Variants in PPP1R14A observed in about 807,000 individuals in gnomAD.
The protein encoded by PPP1R14A is protein phosphatase 1 regulatory inhibitor subunit 14A.
A neutral mutation model predicts 14.1 loss-of-function variants in PPP1R14A; 9 were observed. That is an observed-to-expected ratio of 0.64 (90% CI 0.38 to 1.11). The LOEUF (loss-of-function observed/expected upper bound fraction) is 1.11. PPP1R14A is among the 50% of genes most tolerant of loss of function. The probability of loss-of-function intolerance (pLI) is 0.01; values close to 1 mark genes in which losing one functional copy is unlikely to be tolerated. For synonymous variants in PPP1R14A, 93 were observed against 88.7 expected (o/e 1.05, Z -0.27); for missense variants, 208 against 200.7 (o/e 1.04, Z -0.22).
At chr19:38,255,930 T>C (rs929542119) in intron 1 of PPP1R14A, among the ~76,000 whole-genome samples, 1 of 151,910 alleles carries the variant, frequency 6.6e-6, no homozygotes, top group Non-Finnish European at 1.5e-5. Flanking sequence ...CCCAAGTCTT[T>C]GTGTGTTGCT....
At chr19:38,255,359 C>T (rs769396747) in intron 1 of PPP1R14A, among the ~76,000 whole-genome samples, 2 of 152,178 alleles carry the variant, frequency 1.3e-5, no homozygotes, top group Non-Finnish European at 2.9e-5. Context: ...GAACTCCTGA[C>T]GTCAAGCAAT....
rs952561021 is a variant in PPP1R14A, at chr19:38,252,840, T to C, written c.282+54A>G. The C allele has an allele frequency of 1.5e-6, 2 of 1,291,968 alleles. No individual in the cohort carries two copies. Among genetic ancestry groups the C allele is most frequent in the African/African-American group, 2.9e-5 (2 of 68,532 alleles). 80.0% of individuals were successfully genotyped at this position (1,291,968 alleles called of 1,614,324 possible). ...TCAGTAAACACGTGAACTATTGCTA[T>C]TATTTTTAGGGAGGTGCAAAGTGGG... On this transcript the variant is annotated intron_variant, in intron 2 of 3. Transcript: ENST00000301242. This position sits in a 1 kb window ranked among gnomAD's most constrained non-coding sequence, Gnocchi z 4.1.
chr19:38,252,151 C>T lies in PPP1R14A; in HGVS notation c.315+155G>A, dbSNP rs1357330143. The T allele has an allele frequency of 2.9e-6, 2 of 678,652 alleles. No individual in the cohort carries two copies. Among genetic ancestry groups the T allele is most frequent in the East Asian group, 5.4e-5 (2 of 36,982 alleles). The allele number at this position is 678,652 out of a possible 1,614,324, so 42.0% of individuals were successfully genotyped here. ...GACAAGTAGGAGGACAAAAGACACC[C>T]CTGGAGACCAGAAAGAGCTGCGGAG... On this transcript the variant is annotated intron_variant, in intron 3 of 3. Coordinates refer to ENST00000301242, the MANE Select transcript of PPP1R14A (RefSeq NM_033256.3). This position sits in a 1 kb window ranked among gnomAD's most constrained non-coding sequence, Gnocchi z 4.1.
intron 1 of PPP1R14A, among the ~76,000 whole-genome samples, chr19:38,254,000 G>A (rs1968219311): frequency 6.6e-6 from 1 of 152,192 alleles, no homozygotes; most frequent in Non-Finnish European, 1.5e-5. Context: ...ACCTGAGAAT[G>A]GCCTCATAGA....
rs890344619 is a variant in PPP1R14A, at chr19:38,256,300, G to A, written c.40C>T (p.Leu14=). The change falls in exon 1 of 4, where the codon CTG becomes TTG. Residue 14 remains leucine (L), a synonymous_variant. Coordinates refer to ENST00000301242, the MANE Select transcript of PPP1R14A (RefSeq NM_033256.3). This position sits in a 1 kb window ranked among gnomAD's most constrained non-coding sequence, Gnocchi z 5.7. ...CCGCGGGCCCGCGATGGAGACTGCA[G>A]CTTGCTCAGCACGCGCTTGCCCAGC... ...QRLGKRVLSK[L]QSPSRARGPG... The A allele has an allele frequency of 1.5e-5, 23 of 1,533,684 alleles. No individual in the cohort carries two copies. The highest frequency in any genetic ancestry group is 2.0e-5 in the Non-Finnish European group (23 of 1,146,442).
chr19:38,252,776 G>T lies in PPP1R14A; in HGVS notation c.282+118C>A. The T allele has an allele frequency of 1.3e-6, 1 of 799,716 alleles. No homozygotes were observed. 49.5% of individuals were successfully genotyped at this position (799,716 alleles called of 1,614,324 possible). A position where few individuals can be genotyped will look rare whatever the true frequency, so the allele number is the denominator to read the frequency against. On this transcript the variant is annotated intron_variant, in intron 2 of 3. Transcript: ENST00000301242. The surrounding 1 kb of genome is among the most constrained non-coding windows in gnomAD (Gnocchi z 4.1). Reference sequence around the variant, plus strand: ...GTGAGGGTTAAGTGAGTGAATACATGTAAAGCCATCACACCAGTGCCCGGC... The same window carrying T: ...GTGAGGGTTAAGTGAGTGAATACATTTAAAGCCATCACACCAGTGCCCGGC...
At chr19:38,251,980 G>A (rs1195775537) in intron 3 of PPP1R14A, 3 of 435,124 alleles carry the variant, frequency 6.9e-6, no homozygotes, top group East Asian at 3.9e-5. Flanking sequence ...GGAGCCCGGG[G>A]TGGCGGAGGC....
chr19:38,252,937 AAT>A lies in PPP1R14A; in HGVS notation c.237_238del (p.Glu79AspfsTer7), dbSNP rs1259634181. 4 of 1,613,930 alleles carry A rather than the reference AAT, an allele frequency of 2.5e-6. No homozygotes were observed. The highest frequency in any genetic ancestry group is 1.1e-5 in the South Asian group (1 of 91,074). The stretch of plus-strand genomic sequence containing the variant: ...CTCCTCTTCACTCTCTAACTCCAAC[AAT>A]TCATCAATGTTGATCTCATCGGGCA... On this transcript the variant is annotated frameshift_variant, in exon 2 of 4. Coordinates refer to ENST00000301242, the MANE Select transcript of PPP1R14A (RefSeq NM_033256.3). LOFTEE classifies it high-confidence loss of function. The surrounding 1 kb of genome is among the most constrained non-coding windows in gnomAD (Gnocchi z 4.1).
chr19:38,255,638 C>G (rs1013406260), intron 1 of PPP1R14A, among the ~76,000 whole-genome samples: 1 of 145,762 alleles, frequency 6.9e-6, no homozygotes, highest in Admixed American at 6.9e-5. Flanking sequence ...CCCCAGCCCC[C>G]GCTTGTGTCC....
rs1968202758 is a variant in PPP1R14A at position 38,252,639 on chromosome 19, G to A, written c.282+255C>T. ...CCAAACTGCCTGGGTTCGATGCCCA[G>A]CTCTGCTCCTTCTGAGCTGTGTGAC... On this transcript the variant is annotated intron_variant, in intron 2 of 3. Coordinates refer to ENST00000301242, the MANE Select transcript of PPP1R14A (RefSeq NM_033256.3). The surrounding 1 kb of genome is among the most constrained non-coding windows in gnomAD (Gnocchi z 4.1). 6.6e-6 allele frequency among the ~76,000 whole-genome samples: 1 copy of A among 152,164 alleles called. No individual in the cohort carries two copies. Among genetic ancestry groups the A allele is most frequent in the Non-Finnish European group, 1.5e-5 (1 of 68,034 alleles).
rs766695223 is a variant in PPP1R14A, at chr19:38,252,958, T to A, written c.218A>T (p.Asp73Val). ...LYRGMEADMPDEINIDELLEL... is the reference protein window; with the variant it reads ...LYRGMEADMPVEINIDELLEL... ...CAACAATTCATCAATGTTGATCTCA[T>A]CGGGCATGTCTGCCTCCTAGGGCCA... is the stretch of plus-strand genomic sequence containing the variant. Residue 73 changes from aspartate to valine, a missense_variant, in exon 2 of 4, where the codon GAT (aspartate) becomes GTT (valine). By Grantham distance (152) the Asp-to-Val change is radical. Coordinates refer to ENST00000301242, the MANE Select transcript of PPP1R14A (RefSeq NM_033256.3). The surrounding 1 kb of genome is among the most constrained non-coding windows in gnomAD (Gnocchi z 4.1). 3 of 1,613,858 alleles carry A rather than the reference T, an allele frequency of 1.9e-6. No individual in the cohort carries two copies. In the Admixed American group the frequency reaches 5.0e-5, roughly 27 times the overall value.
intron 1 of PPP1R14A, among the ~76,000 whole-genome samples, chr19:38,254,782 TAC>T (rs1370054979): frequency 1.3e-5 from 2 of 152,148 alleles, no homozygotes; most frequent in African/African-American, 4.8e-5. Context: ...TCCTATAGCT[TAC>T]AGTTTTTTGT....
Position 38,251,349 on chromosome 19 carries a change from A to G in PPP1R14A, c.413T>C (p.Leu138Pro). 6.5e-7 allele frequency: 1 copy of G among 1,537,484 alleles called. No homozygotes were observed. Residue 138 changes from leucine to proline, a missense_variant, in exon 4 of 4, where the codon CTC becomes CCC. Coordinates refer to ENST00000301242, the MANE Select transcript of PPP1R14A (RefSeq NM_033256.3). The part of the protein sequence containing the change: ...SPSHDGSLSP[L>P]QDRARTAHP ...GTGAGCAGTCCGGGCCCGGTCCTGG[A>G]GGGGGCTGAGGCTGCCGTCGTGGGA...
Position 38,256,095 on chromosome 19 carries a change from G to C in PPP1R14A, c.201+44C>G, listed in dbSNP as rs1371268211. 7.4e-6 allele frequency: 11 copies of C among 1,496,524 alleles called. No homozygotes were observed. The East Asian group carries it at 2.8e-4, about 38-fold the overall frequency. The allele number at this position is 1,496,524 out of a possible 1,614,324, so 92.7% of individuals were successfully genotyped here. On this transcript the variant is annotated intron_variant, in intron 1 of 3. Coordinates refer to ENST00000301242, the MANE Select transcript of PPP1R14A (RefSeq NM_033256.3). This position sits in a 1 kb window ranked among gnomAD's most constrained non-coding sequence, Gnocchi z 5.7. Reference sequence around the variant, plus strand: ...AAGGGCGTGGGGTCTCCGCGCCCGGGCTCTATCTGTCCCCGACCACCCCCG... The same window carrying C: ...AAGGGCGTGGGGTCTCCGCGCCCGGCCTCTATCTGTCCCCGACCACCCCCG...
chr19:38,251,648 G>A (rs1381028704), intron 3 of PPP1R14A, among the ~76,000 whole-genome samples: 2 of 151,992 alleles, frequency 1.3e-5, no homozygotes, highest in African/African-American at 4.8e-5. Flanking sequence ...GGGAGGGATG[G>A]AGAGAAAGAG....
At position 38,251,466 on chromosome 19, in the gene PPP1R14A, C is replaced by A; in HGVS notation, c.316-20G>T. 6.4e-7 allele frequency: 1 copy of A among 1,553,610 alleles called. No individual in the cohort carries two copies. Among genetic ancestry groups the A allele is most frequent in the Non-Finnish European group, 8.6e-7 (1 of 1,160,384 alleles). On this transcript the variant is annotated intron_variant, in intron 3 of 3. Coordinates refer to ENST00000301242, the MANE Select transcript of PPP1R14A (RefSeq NM_033256.3). ...GAAGTCCTGAGACAGGGTGGGGGAG[C>A]TGAGAACATGGGAACAGTGCGGGGG... is the stretch of plus-strand genomic sequence containing the variant.
intron 1 of PPP1R14A, among the ~76,000 whole-genome samples, chr19:38,255,690 T>C (rs539871114): frequency 1.3e-5 from 2 of 149,698 alleles, no homozygotes; most frequent in African/African-American, 4.9e-5. Flanking sequence ...GCTGTGTCCG[T>C]GAGTGGCTAT....
At chr19:38,251,582 A>G in intron 3 of PPP1R14A, 136 bp from the exon 4 acceptor site, 3 of 602,814 alleles carry the variant, frequency 5.0e-6, no homozygotes, top group Non-Finnish European at 8.2e-6. Flanking sequence ...GGCGGAGGCT[A>G]TAGACATAGA....
intron 1 of PPP1R14A, among the ~76,000 whole-genome samples, chr19:38,255,059 C>T (rs1351831874): frequency 6.6e-6 from 1 of 152,208 alleles, no homozygotes; most frequent in Non-Finnish European, 1.5e-5. Context: ...GCTGGGATTA[C>T]AGGCGTGAGC....
Sources: allele counts gnomAD v4.1 joint callset (sites outside exome capture counted in the v4.1 genomes callset), GRCh38; gene constraint gnomAD v4.1.1; non-coding constraint Gnocchi (gnomAD v3.1); transcripts MANE v1.5; gene names NCBI Gene and HGNC (gene_info 2026-07-23, HGNC 2026-07-21).